The following PLAAT3 variants were observed in gnomAD, a reference collection of about 807,000 sequenced individuals.
PLAAT3 encodes the protein Ca-independent phospholipase A1/2.
In PLAAT3, 21 loss-of-function variants were observed where a neutral mutation model predicts 16.7. The observed-to-expected ratio is 1.26, with a 90% CI of 0.89 to 1.81. PLAAT3 has a LOEUF of 1.81. Among genes scored for constraint, PLAAT3 ranks in the 40% most tolerant of loss-of-function variants. The pLI, the probability that PLAAT3 is intolerant of heterozygous loss-of-function variation, is 0.00. For synonymous variants in PLAAT3, 76 were observed against 81.7 expected (o/e 0.93, Z 0.38); for missense variants, 219 against 213.7 (o/e 1.02, Z -0.16).
At chr11:63,581,679 C>T (rs1015556309) in intron 4 of PLAAT3, among the ~76,000 whole-genome samples, 2 of 152,172 alleles carry the variant, frequency 1.3e-5, no homozygotes, top group Non-Finnish European at 2.9e-5. Flanking sequence ...CCTGTTTGTA[C>T]GCCCTCTCCC....
intron 2 of PLAAT3, among the ~76,000 whole-genome samples, chr11:63,603,930 TCA>T (rs1482912999): frequency 6.6e-6 from 1 of 152,216 alleles, no homozygotes; most frequent in Non-Finnish European, 1.5e-5. Flanking sequence ...GGTGGGTGGA[TCA>T]CTTGGGGTTA....
chr11:63,603,262 GA>G lies in PLAAT3; in HGVS notation c.16-5100del, dbSNP rs149225470. Among the ~76,000 whole-genome samples, 1,242 of 152,236 alleles carry G rather than the reference GA, an allele frequency of 8.2e-3. 18 individuals are homozygous for G. Among genetic ancestry groups the G allele is most frequent in the African/African-American group, 0.028 (1,183 of 41,520 alleles). On this transcript the variant is annotated intron_variant, in intron 2 of 4. Coordinates refer to ENST00000415826, the MANE Select transcript of PLAAT3 (RefSeq NM_001128203.2). Reference sequence around the variant, plus strand: ...TCAGGGCCAGCAGAGTGCCTGAGAAGAGAACTGCCTCCTCCATGGCAAAGTT... The same window carrying G: ...TCAGGGCCAGCAGAGTGCCTGAGAAGGAACTGCCTCCTCCATGGCAAAGTT...
rs1257737368 is a variant in PLAAT3 at position 63,614,056 on chromosome 11, G to C, written c.-42C>G. On this transcript the variant is annotated 5_prime_UTR_variant, in exon 2 of 5. Transcript: ENST00000415826. ...GACCCTCAAGGCCAGGCTCGATTTC[G>C]CTGCGTAGATGTCTGAGGCAGGGGG... The C allele has an allele frequency of 6.2e-7, 1 of 1,613,258 alleles. No individual in the cohort carries two copies. Among genetic ancestry groups the C allele is most frequent in the Non-Finnish European group, 8.5e-7 (1 of 1,179,518 alleles).
rs559856565 is a variant in PLAAT3, at chr11:63,576,113, C to T, written c.388-1067G>A. Among the ~76,000 whole-genome samples, 13 of 152,214 alleles carry T rather than the reference C, an allele frequency of 8.5e-5. No individual in the cohort carries two copies. In the South Asian group the frequency reaches 2.7e-3, roughly 32 times the overall value. On this transcript the variant is annotated intron_variant, in intron 4 of 4. Coordinates refer to ENST00000415826, the MANE Select transcript of PLAAT3 (RefSeq NM_001128203.2). ...GAACTTTACGCTCCACACAAGAGTC[C>T]AGAAGACTTTTCTGGGGAATCTGGC... is the stretch of plus-strand genomic sequence containing the variant.
chr11:63,584,800 G>A (rs370060466), intron 4 of PLAAT3, among the ~76,000 whole-genome samples: 25 of 152,094 alleles, frequency 1.6e-4, no homozygotes, highest in East Asian at 9.7e-4. Flanking sequence ...GTGAGCCACC[G>A]CACCTGGCCA....
intron 2 of PLAAT3, among the ~76,000 whole-genome samples, chr11:63,608,117 G>A (rs548741286): frequency 7.2e-5 from 11 of 152,320 alleles, no homozygotes; most frequent in South Asian, 6.2e-4. Context: ...GGGAGGCAGA[G>A]GTCGCAGTGA....
chr11:63,611,419 T>A (rs1044078167), intron 2 of PLAAT3, among the ~76,000 whole-genome samples: 1 of 152,198 alleles, frequency 6.6e-6, no homozygotes, highest in Admixed American at 6.5e-5. Flanking sequence ...ATTGCTGCAG[T>A]TACCATTGAG....
intron 4 of PLAAT3, among the ~76,000 whole-genome samples, chr11:63,579,190 T>G (rs1937716421): frequency 6.6e-6 from 1 of 152,166 alleles, no homozygotes; most frequent in South Asian, 2.1e-4. Context: ...CTCATACCAG[T>G]TAGAATGGCG....
At chr11:63,610,720 A>G (rs1023348884) in intron 2 of PLAAT3, among the ~76,000 whole-genome samples, 1 of 152,128 alleles carries the variant, frequency 6.6e-6, no homozygotes, top group African/African-American at 2.4e-5. Flanking sequence ...AGAACAGGGA[A>G]GGCCTATCAA....
At chr11:63,578,571 A>G (rs1433714236) in intron 4 of PLAAT3, among the ~76,000 whole-genome samples, 1 of 152,130 alleles carries the variant, frequency 6.6e-6, no homozygotes, top group Non-Finnish European at 1.5e-5. Flanking sequence ...AATGCCACAT[A>G]TCTACAACTA....
chr11:63,615,070 A>ATATGTGTATATATGTGTATATATGTG (rs1565259595), upstream of PLAAT3, among the ~76,000 whole-genome samples: 1 of 49,602 alleles, frequency 2.0e-5, no homozygotes, highest in Non-Finnish European at 5.8e-5. Flanking sequence ...ATATGTGTGT[A>ATATGTGTATATATGTGTATATATGTG]TATATGTGTG....
intron 3 of PLAAT3, 134 bp downstream of exon 3, chr11:63,597,924 ACTT>A (rs1938333613): frequency 1.5e-6 from 1 of 653,526 alleles, no homozygotes; most frequent in South Asian, 1.9e-5. Context: ...CCCATATCAA[ACTT>A]CTTGTAACAT....
intron 4 of PLAAT3, among the ~76,000 whole-genome samples, chr11:63,577,377 G>A (rs1937645794): frequency 6.6e-6 from 1 of 152,008 alleles, no homozygotes; most frequent in Non-Finnish European, 1.5e-5. Context: ...TCACCATATT[G>A]GCCAGGCTGC....
intron 4 of PLAAT3, among the ~76,000 whole-genome samples, chr11:63,581,938 T>C (rs1392678388): frequency 3.3e-5 from 5 of 152,212 alleles, no homozygotes; most frequent in African/African-American, 4.8e-5. Flanking sequence ...ATTGATTTTC[T>C]CCTACAGACA....
At chr11:63,582,520 C>A (rs564429972) in intron 4 of PLAAT3, among the ~76,000 whole-genome samples, 1 of 152,252 alleles carries the variant, frequency 6.6e-6, no homozygotes, top group Non-Finnish European at 1.5e-5. Context: ...AAAGAAAACT[C>A]GGCAATGAAA....
upstream of PLAAT3, among the ~76,000 whole-genome samples, chr11:63,615,056 A>ATG (rs1590704519): frequency 1.4e-4 from 4 of 27,866 alleles, 1 homozygote; most frequent in African/African-American, 1.9e-4. Context: ...ATATATGTGT[A>ATG]TATATATGTG....
At chr11:63,580,464 G>A (rs1374326167) in intron 4 of PLAAT3, among the ~76,000 whole-genome samples, 8 of 152,242 alleles carry the variant, frequency 5.3e-5, no homozygotes, top group African/African-American at 1.9e-4. Flanking sequence ...GACCAGCCTG[G>A]CCAACATGGT....
intron 2 of PLAAT3, among the ~76,000 whole-genome samples, chr11:63,607,682 C>G (rs576743188): frequency 6.6e-6 from 1 of 151,928 alleles, no homozygotes; most frequent in South Asian, 2.1e-4. Flanking sequence ...AAATCCTACA[C>G]ACCGTGCTGC....
chr11:63,601,313 G>A (rs894767025), intron 2 of PLAAT3, among the ~76,000 whole-genome samples: 6 of 150,824 alleles, frequency 4.0e-5, no homozygotes, highest in Admixed American at 4.0e-4. Context: ...CTGGGTGACA[G>A]AGTGAGACTC....
Sources: gnomAD v4.1 joint callset for allele counts (sites outside exome capture counted in the v4.1 genomes callset) on GRCh38, gnomAD v4.1.1 for gene constraint, MANE v1.5 for transcripts, NCBI Gene and HGNC (gene_info 2026-07-23, HGNC 2026-07-21) for gene names.